The following OPA3 variants were observed in gnomAD, a reference collection of about 807,000 sequenced individuals.
OPA3 encodes the protein outer mitochondrial membrane lipid metabolism regulator OPA3.
A neutral mutation model predicts 4.0 loss-of-function variants in OPA3; 6 were observed. That is an observed-to-expected ratio of 1.51 (90% CI 0.83 to 2.99). The LOEUF is 2.99. Ranked by LOEUF, OPA3 falls within the 30% of genes most tolerant of loss-of-function variation. The pLI, the probability that OPA3 is intolerant of heterozygous loss-of-function variation, is 0.00. For synonymous variants in OPA3, 105 were observed against 117.1 expected, an observed-to-expected ratio of 0.90 and a Z score of 0.67; for missense variants, 235 against 256.2, an observed-to-expected ratio of 0.92 and a Z score of 0.56.
At chr19:45,536,503 G>T (rs1033710845) in intron 1 of OPA3, among the ~76,000 whole-genome samples, 2 of 149,298 alleles carry the variant, frequency 1.3e-5, no homozygotes, top group Non-Finnish European at 3.0e-5. Flanking sequence ...AGTCAAGATC[G>T]TGCCACTGCA....
At chr19:45,567,954 A>C (rs12979486) in intron 1 of OPA3, among the ~76,000 whole-genome samples, 45,074 of 152,012 alleles carry the variant, frequency 0.3, 7,116 homozygotes, top group Middle Eastern at 0.39. Context: ...CCCTGGTTGC[A>C]CTTCCCCAGA....
intron 1 of OPA3, among the ~76,000 whole-genome samples, chr19:45,583,421 G>A (rs1436618703): frequency 1.3e-5 from 2 of 152,048 alleles, no homozygotes; most frequent in Non-Finnish European, 2.9e-5. Flanking sequence ...CAAAGTGCTG[G>A]GATTACAGGC....
chr19:45,532,836 C>T (rs115300904), intron 1 of OPA3, among the ~76,000 whole-genome samples: 4,148 of 152,182 alleles, frequency 0.027, 195 homozygotes, highest in African/African-American at 0.095. Flanking sequence ...ACCTCAGCCT[C>T]GTAAAGTGCT....
chr19:45,573,566 C>T (rs1969720388), intron 1 of OPA3, among the ~76,000 whole-genome samples: 2 of 152,148 alleles, frequency 1.3e-5, no homozygotes, highest in African/African-American at 4.8e-5. Context: ...AACCCAATTA[C>T]AAGCATAAAA....
rs199692583 is a variant in OPA3, at chr19:45,553,805, C to G, written c.249G>C (p.Leu83=). 198 of 1,613,286 alleles carry G rather than the reference C, an allele frequency of 1.2e-4. 1 individual carries two copies. The African/African-American group carries it at 1.9e-3, about 15-fold the overall frequency. Residue 83 remains leucine (L), a synonymous_variant, in exon 2 of 2, where the codon CTG becomes CTC. Transcript: ENST00000263275. Reference sequence around the variant, plus strand: ...CGATGAAGATGGTGGCTTCGCCCAGCAGCTCTGCGCCCAGCTCAGCTGCCG... The same window carrying G: ...CGATGAAGATGGTGGCTTCGCCCAGGAGCTCTGCGCCCAGCTCAGCTGCCG... The part of the protein sequence containing the change: ...EEAAAELGAE[L]LGEATIFIVG...
chr19:45,538,202 A>G (rs529863316), intron 1 of OPA3, among the ~76,000 whole-genome samples: 2 of 149,986 alleles, frequency 1.3e-5, no homozygotes, highest in South Asian at 4.2e-4. Flanking sequence ...AGATCAAGGT[A>G]GGAGGATTGC....
downstream of OPA3, among the ~76,000 whole-genome samples, chr19:45,544,348 T>A (rs551513899): frequency 1.3e-5 from 2 of 152,220 alleles, no homozygotes; most frequent in Non-Finnish European, 2.9e-5. Context: ...CACAATGGAC[T>A]ATTATTCAGC....
chr19:45,575,624 T>C (rs961037741), intron 1 of OPA3, among the ~76,000 whole-genome samples: 6 of 152,068 alleles, frequency 3.9e-5, no homozygotes, highest in Admixed American at 2.6e-4. Context: ...TATTATTATT[T>C]GAGACAGGGT....
intron 1 of OPA3, among the ~76,000 whole-genome samples, chr19:45,533,289 G>T (rs968751332): frequency 3.3e-5 from 5 of 151,440 alleles, no homozygotes; most frequent in African/African-American, 1.2e-4. Flanking sequence ...CCGCCTCCTG[G>T]GTTCAAGCCA....
chr19:45,570,904 G>A (rs1339458638), intron 1 of OPA3, among the ~76,000 whole-genome samples: 1 of 135,802 alleles, frequency 7.4e-6, no homozygotes, highest in East Asian at 2.2e-4. Context: ...CTCACAGAGG[G>A]TTTCACCAAG....
Position 45,551,007 on chromosome 19 carries a change from C to T in OPA3, c.*2507G>A, listed in dbSNP as rs1969324583. 1 of 969,088 alleles carries T rather than the reference C, an allele frequency of 1.0e-6. No homozygotes were observed. The highest frequency in any genetic ancestry group is 1.2e-6 in the Non-Finnish European group (1 of 815,170). The allele number at this position is 969,088 out of a possible 1,614,324, so 60.0% of individuals were successfully genotyped here. ...AAAGGGTCTCACTCTGTCATCCAGGCTGGAGTGTAGTGGCGCGATCACGGC... is the reference window on the plus strand; with the variant it reads ...AAAGGGTCTCACTCTGTCATCCAGGTTGGAGTGTAGTGGCGCGATCACGGC... On this transcript the variant is annotated 3_prime_UTR_variant, in exon 2 of 2. Transcript: ENST00000263275.
At chr19:45,534,344 C>G (rs1294059780) in intron 1 of OPA3, among the ~76,000 whole-genome samples, 2 of 151,994 alleles carry the variant, frequency 1.3e-5, no homozygotes, top group African/African-American at 4.8e-5. Flanking sequence ...GGTGGATGAC[C>G]TGAGGTCAGG....
chr19:45,558,803 A>T (rs896406216), intron 1 of OPA3, among the ~76,000 whole-genome samples: 1 of 151,134 alleles, frequency 6.6e-6, no homozygotes, highest in Non-Finnish European at 1.5e-5. Flanking sequence ...CCGCTCTGCA[A>T]TGCAGTGGCC....
In OPA3 at chr19:45,533,580, T is replaced by C. The variant is rs369382054; in HGVS notation, c.143-4124A>G. Among the ~76,000 whole-genome samples, 23 of 152,330 alleles carry C rather than the reference T, an allele frequency of 1.5e-4. No individual in the cohort carries two copies. In the East Asian group the frequency reaches 3.5e-3, roughly 23 times the overall value. On this transcript the variant is annotated intron_variant, in intron 1 of 1. Coordinates refer to the OPA3 transcript ENST00000323060. ...TTTTACCCTATACCTTTGAGGCCGG[T>C]ACTTAAACATCAGCCGGATCCTAAT... is the stretch of plus-strand genomic sequence containing the variant.
At chr19:45,572,466 A>G (rs1969689654) in intron 1 of OPA3, among the ~76,000 whole-genome samples, 1 of 126,858 alleles carries the variant, frequency 7.9e-6, no homozygotes, top group Non-Finnish European at 1.7e-5. Flanking sequence ...TATATCATAT[A>G]TCATATAATA....
intron 1 of OPA3, among the ~76,000 whole-genome samples, chr19:45,537,380 G>A (rs147094030): frequency 1.6e-4 from 15 of 94,732 alleles, no homozygotes; most frequent in African/African-American, 6.2e-4. Flanking sequence ...CTGGATGACA[G>A]AGCAAGACTC....
chr19:45,578,214 T>C (rs1468764151), intron 1 of OPA3, among the ~76,000 whole-genome samples: 8 of 152,200 alleles, frequency 5.3e-5, no homozygotes, highest in African/African-American at 1.9e-4. Flanking sequence ...ATTGCCTTTG[T>C]AGGACTAACA....
chr19:45,536,360 A>G (rs575817624), intron 1 of OPA3, among the ~76,000 whole-genome samples: 2 of 152,220 alleles, frequency 1.3e-5, no homozygotes, highest in Admixed American at 1.3e-4. Context: ...CCTGGCCAAC[A>G]TGGCAAAACC....
chr19:45,529,953 C>T (rs1969041216), intron 1 of OPA3, among the ~76,000 whole-genome samples: 1 of 152,010 alleles, frequency 6.6e-6, no homozygotes, highest in African/African-American at 2.4e-5. Context: ...AGGCTGGTCT[C>T]GAACTCCTGG....
Sources: gnomAD v4.1 joint callset for allele counts (sites outside exome capture counted in the v4.1 genomes callset) on GRCh38, gnomAD v4.1.1 for gene constraint, MANE v1.5 for transcripts, NCBI Gene and HGNC (gene_info 2026-07-23, HGNC 2026-07-21) for gene names.